ZW10: variants seen among roughly 807,000 people sequenced by gnomAD.
ZW10 encodes the protein zw10 kinetochore protein, also known as centromere/kinetochore protein zw10 homolog.
ZW10 carries 53 observed loss-of-function variants against 87.8 expected under a neutral mutation model. The observed-to-expected ratio is 0.60, with a 90% confidence interval of 0.48 to 0.76. The LOEUF (loss-of-function observed/expected upper bound fraction) is 0.76. Ranked by LOEUF, ZW10 falls within the 30% of genes least tolerant of loss-of-function variation. The pLI, the probability that ZW10 is intolerant of heterozygous loss-of-function variation, is 0.00. For missense variants in ZW10, 837 were observed against 923.0 expected, an observed-to-expected ratio of 0.91 and a Z score of 1.21; for synonymous variants, 312 against 329.2, an observed-to-expected ratio of 0.95 and a Z score of 0.57.
intron 2 of ZW10, among the ~76,000 whole-genome samples, chr11:113,764,947 C>A (rs997699465): frequency 6.6e-6 from 1 of 152,172 alleles, no homozygotes; most frequent in African/African-American, 2.4e-5. Context: ...TGTCTTACTC[C>A]AAACCAGTGG....
chr11:113,763,599 G>C (rs1401179637), intron 2 of ZW10, among the ~76,000 whole-genome samples: 1 of 152,162 alleles, frequency 6.6e-6, no homozygotes, highest in East Asian at 1.9e-4. Context: ...GTTTTGATTT[G>C]CATTTCTCTG....
At chr11:113,771,022 G>A (rs1330752365) in intron 1 of ZW10, among the ~76,000 whole-genome samples, 2 of 148,088 alleles carry the variant, frequency 1.4e-5, no homozygotes, top group African/African-American at 5.0e-5. Context: ...GCCCAGGCTG[G>A]ACTGCAGTGG....
At chr11:113,743,657 T>G in intron 10 of ZW10, 145 bp downstream of exon 10, 1 of 704,756 alleles carries the variant, frequency 1.4e-6, no homozygotes, top group Non-Finnish European at 2.4e-6. Flanking sequence ...TGGGTTTTTG[T>G]TTTGTTTTGT....
chr11:113,773,471 T>C (rs547872226), intron 1 of ZW10, 91 bp downstream of exon 1: 2 of 1,096,068 alleles, frequency 1.8e-6, no homozygotes, highest in South Asian at 1.4e-5. Context: ...CCCCACTCTG[T>C]CTGCCCTTAG....
At chr11:113,770,970 A>ATTTTTTTTT (rs71063523) in intron 1 of ZW10, among the ~76,000 whole-genome samples, 1 of 116,202 alleles carries the variant, frequency 8.6e-6, no homozygotes, top group Non-Finnish European at 1.8e-5. Context: ...TGAGGATGCT[A>ATTTTTTTTT]TTTTTTTTTT....
chr11:113,734,244 G>T (rs1260263938), intron 15 of ZW10, among the ~76,000 whole-genome samples: 4 of 151,656 alleles, frequency 2.6e-5, no homozygotes, highest in African/African-American at 9.7e-5. Flanking sequence ...TAGAATAACG[G>T]GCAAAAAAAT....
intron 9 of ZW10, among the ~76,000 whole-genome samples, 192 bp downstream of exon 9, chr11:113,747,339 A>G (rs905142155): frequency 6.6e-6 from 1 of 152,196 alleles, no homozygotes; most frequent in Non-Finnish European, 1.5e-5. Flanking sequence ...TCGTATCTGC[A>G]CTTCACAATA....
chr11:113,773,313 A>C (rs1351674282), intron 1 of ZW10, among the ~76,000 whole-genome samples: 1 of 151,026 alleles, frequency 6.6e-6, no homozygotes, highest in Admixed American at 6.6e-5. Context: ...GTTCGTCCCC[A>C]CAGTCCCAGG....
intron 2 of ZW10, 128 bp downstream of exon 2, chr11:113,768,705 A>G (rs1371584897): frequency 8.7e-6 from 8 of 923,308 alleles, no homozygotes; most frequent in Non-Finnish European, 1.1e-5. Flanking sequence ...ACAATCATTT[A>G]GTTCAATCTC....
In ZW10 at chr11:113,757,758, A is replaced by C; in HGVS notation, c.829T>G (p.Phe277Val). 1 of 1,613,910 alleles carries C rather than the reference A, an allele frequency of 6.2e-7. No individual in the cohort carries two copies. The highest frequency in any genetic ancestry group is 8.5e-7 in the Non-Finnish European group (1 of 1,179,868). The change falls in exon 7 of 16, where the codon TTT becomes GTT. Residue 277 changes from phenylalanine (F) to valine (V), a missense_variant. Transcript: ENST00000200135. The stretch of plus-strand genomic sequence containing the variant: ...TCCAAGTTAGTCATTATAGATTCAA[A>C]ACGAATAATAACTATGTTAGGCTGG... ...ESQPNIVIIR[F>V]ESIMTNLEYP...
At chr11:113,759,253 G>C (rs1450125844) in intron 5 of ZW10, among the ~76,000 whole-genome samples, 1 of 152,084 alleles carries the variant, frequency 6.6e-6, no homozygotes, top group Non-Finnish European at 1.5e-5. Flanking sequence ...TGTTCTTTCT[G>C]CCAAACAAGT....
At chr11:113,740,351 G>T (rs184957805) in intron 11 of ZW10, among the ~76,000 whole-genome samples, 5 of 152,134 alleles carry the variant, frequency 3.3e-5, no homozygotes, top group African/African-American at 1.2e-4. Flanking sequence ...CATTTTGAGA[G>T]ACCAAGGCAG....
At chr11:113,768,703 T>A (rs1416719280) in intron 2 of ZW10, 130 bp downstream of exon 2, 1 of 922,492 alleles carries the variant, frequency 1.1e-6, no homozygotes, top group Non-Finnish European at 1.6e-6. Flanking sequence ...CTACAATCAT[T>A]TAGTTCAATC....
chr11:113,741,122 T>A (rs1953612526), intron 11 of ZW10, among the ~76,000 whole-genome samples: 1 of 151,964 alleles, frequency 6.6e-6, no homozygotes. Flanking sequence ...GTAAACAGCT[T>A]TTGTTTTTTT....
At chr11:113,744,247 C>A in intron 9 of ZW10, among the ~76,000 whole-genome samples, 1 of 151,968 alleles carries the variant, frequency 6.6e-6, no homozygotes, top group East Asian at 1.9e-4. Context: ...ATTGGCCGGG[C>A]GTGGCAGCGT....
chr11:113,747,546 A>G lies in ZW10; in HGVS notation c.1257T>C (p.Ile419=). ...VAARNLMTSE[I]HNTVKIIPDS... ...ACACTGGTACCTTCACAGTGTTATG[A>G]ATTTCTGAGGTCATTAGATTTCTGG... The change falls in exon 9 of 16, where the codon ATT becomes ATC. Residue 419 remains isoleucine (I), a synonymous_variant. Coordinates refer to ENST00000200135, the MANE Select transcript of ZW10 (RefSeq NM_004724.4). 1 of 1,612,342 alleles carries G rather than the reference A, an allele frequency of 6.2e-7. No homozygotes were observed. Among genetic ancestry groups the G allele is most frequent in the Non-Finnish European group, 8.5e-7 (1 of 1,178,906 alleles).
intron 15 of ZW10, among the ~76,000 whole-genome samples, chr11:113,735,173 T>G (rs79180070): frequency 0.078 from 11,810 of 152,190 alleles, 553 homozygotes; most frequent in African/African-American, 0.13. Context: ...TAGCCTTATA[T>G]TTACACAAAT....
At chr11:113,741,197 C>A (rs938906364) in intron 11 of ZW10, among the ~76,000 whole-genome samples, 1 of 151,594 alleles carries the variant, frequency 6.6e-6, no homozygotes. Context: ...TCAAACTAAT[C>A]TCAAACTTCT....
chr11:113,755,986 T>C (rs2457377), intron 7 of ZW10, among the ~76,000 whole-genome samples: 44,284 of 152,138 alleles, frequency 0.29, 7,443 homozygotes, highest in Non-Finnish European at 0.38. Context: ...AACTTTTATA[T>C]GCACTGGGAA....
Sources: gnomAD v4.1 joint callset for allele counts (sites outside exome capture counted in the v4.1 genomes callset) on GRCh38, gnomAD v4.1.1 for gene constraint, MANE v1.5 for transcripts, NCBI Gene and HGNC (gene_info 2026-07-23, HGNC 2026-07-21) for gene names.